The following ANKMY1 variants were observed in gnomAD, a reference collection of about 807,000 sequenced individuals.
The protein encoded by ANKMY1 is ankyrin repeat and MYND domain containing 1.
In ANKMY1, 98 loss-of-function variants were observed where a neutral mutation model predicts 102.0. That is an observed-to-expected ratio of 0.96 (90% CI 0.82 to 1.14). ANKMY1 has a LOEUF of 1.14. Among genes scored for constraint, ANKMY1 ranks in the 50% most tolerant of loss-of-function variants. ANKMY1 has a pLI of 0.00. For synonymous variants in ANKMY1, 582 were observed against 559.9 expected (o/e 1.04, Z -0.56); for missense variants, 1,330 against 1,347.6 (o/e 0.99, Z 0.20).
At chr2:240,560,873 G>A, upstream of ANKMY1, 1 of 1,419,472 alleles carries the variant, frequency 7.0e-7, no homozygotes, top group Non-Finnish European at 9.3e-7. Context: ...CGCCCGGCGT[G>A]GCAGAGCTGC....
intron 4 of ANKMY1, among the ~76,000 whole-genome samples, chr2:240,547,503 A>T (rs1284041378): frequency 2.1e-5 from 3 of 145,692 alleles, no homozygotes; most frequent in Admixed American, 2.1e-4. Context: ...GGCAAGAAAT[A>T]ACTAAAATCA....
chr2:240,514,309 C>G (rs746520289), intron 9 of ANKMY1, among the ~76,000 whole-genome samples: 1 of 152,114 alleles, frequency 6.6e-6, no homozygotes, highest in Non-Finnish European at 1.5e-5. Flanking sequence ...AGGGAGAGCA[C>G]AATAGAGAGA....
At chr2:240,553,187 T>C in intron 3 of ANKMY1, 130 bp from the exon 4 acceptor site, 5 of 1,100,782 alleles carry the variant, frequency 4.5e-6, no homozygotes, top group Non-Finnish European at 6.4e-6. Context: ...AACTCAGGGA[T>C]GCCTGGCATG....
At chr2:240,535,482 C>A (rs1183358259) in intron 4 of ANKMY1, among the ~76,000 whole-genome samples, 19 of 152,102 alleles carry the variant, frequency 1.2e-4, no homozygotes, top group Admixed American at 4.6e-4. Context: ...TTATCTCCTG[C>A]ATCTGGAAAG....
intron 4 of ANKMY1, among the ~76,000 whole-genome samples, chr2:240,547,723 T>C (rs1414949730): frequency 5.4e-4 from 81 of 149,158 alleles, no homozygotes; most frequent in Non-Finnish European, 4.5e-5. Flanking sequence ...CATCAGAGAA[T>C]ACTACAAACA....
At chr2:240,542,502 T>C (rs1405839507) in intron 4 of ANKMY1, among the ~76,000 whole-genome samples, 1 of 145,500 alleles carries the variant, frequency 6.9e-6, no homozygotes, top group Non-Finnish European at 1.5e-5. Flanking sequence ...AGACTCCGTC[T>C]CAAAAAAAAA....
At chr2:240,486,654 A>G (rs2076095545) in intron 15 of ANKMY1, among the ~76,000 whole-genome samples, 1 of 152,148 alleles carries the variant, frequency 6.6e-6, no homozygotes. Flanking sequence ...TCTAACTCTG[A>G]GCACTTTGTT....
chr2:240,560,840 C>T (rs1389040868), upstream of ANKMY1: 2 of 1,397,282 alleles, frequency 1.4e-6, no homozygotes, highest in East Asian at 3.0e-5. Context: ...TCAACGTCTC[C>T]CGCCAGCAGC....
At chr2:240,560,485 G>A, upstream of ANKMY1, 2 of 762,842 alleles carry the variant, frequency 2.6e-6, no homozygotes, top group South Asian at 4.0e-5. Flanking sequence ...GCCATGCCCC[G>A]GCCCCAACGA....
chr2:240,493,514 G>C (rs1306516691), intron 15 of ANKMY1, among the ~76,000 whole-genome samples: 2 of 152,010 alleles, frequency 1.3e-5, no homozygotes, highest in Non-Finnish European at 2.9e-5. Context: ...TGCATTTATG[G>C]TGTTGGTTGG....
intron 15 of ANKMY1, among the ~76,000 whole-genome samples, chr2:240,486,829 T>C (rs1046559764): frequency 3.0e-4 from 46 of 152,210 alleles, no homozygotes; most frequent in Non-Finnish European, 4.7e-4. Flanking sequence ...TTTGAGCACT[T>C]TGAATACGTC....
rs549737985 is a variant in ANKMY1, at chr2:240,533,245, A to G, written c.481-3736T>C. Reference sequence around the variant, plus strand: ...AAAACAAGATTTTTTTTAAAATACCATATCGACCCAAATGAAGATGAGAAA... The same window carrying G: ...AAAACAAGATTTTTTTTAAAATACCGTATCGACCCAAATGAAGATGAGAAA... On this transcript the variant is annotated intron_variant, in intron 4 of 17. Coordinates refer to ENST00000401804, the MANE Select transcript of ANKMY1 (RefSeq NM_001282771.3). Among the ~76,000 whole-genome samples, 14 of 152,326 alleles carry G rather than the reference A, an allele frequency of 9.2e-5. No homozygotes were observed. In the South Asian group the frequency reaches 1.0e-3, roughly 11 times the overall value.
At chr2:240,496,620 G>A (rs1196628037) in intron 15 of ANKMY1, among the ~76,000 whole-genome samples, 1 of 152,166 alleles carries the variant, frequency 6.6e-6, no homozygotes, top group Non-Finnish European at 1.5e-5. Context: ...GCATTATAAA[G>A]CTTCTGAGGT....
At chr2:240,517,458 G>C (rs941065182) in intron 9 of ANKMY1, among the ~76,000 whole-genome samples, 1 of 152,188 alleles carries the variant, frequency 6.6e-6, no homozygotes, top group Admixed American at 6.5e-5. Context: ...CTTTGAGGTA[G>C]AGTCTGAGAT....
intron 13 of ANKMY1, among the ~76,000 whole-genome samples, chr2:240,501,205 C>T (rs543777099): frequency 4.0e-5 from 6 of 151,856 alleles, no homozygotes; most frequent in East Asian, 1.9e-4. Context: ...AGTATGTGTG[C>T]GTGCATGCGT....
chr2:240,558,023 C>G (rs893365562), upstream of ANKMY1: 6 of 967,316 alleles, frequency 6.2e-6, no homozygotes, highest in East Asian at 1.2e-4. Context: ...ACAGCCCCGC[C>G]CCATGCCCGC....
rs2080244177 is a variant in ANKMY1, at chr2:240,511,822, G to C, written c.2286+39C>G. The C allele has an allele frequency of 1.9e-6, 3 of 1,542,608 alleles. No individual in the cohort carries two copies. The East Asian group carries it at 7.4e-5, about 38-fold the overall frequency. ...GCCCTGGAAGGTGGCCCCACCGCTGGGCAGCCCTGTGCCCCCGCCAGGCCC... is the reference window on the plus strand; with the variant it reads ...GCCCTGGAAGGTGGCCCCACCGCTGCGCAGCCCTGTGCCCCCGCCAGGCCC... On this transcript the variant is annotated intron_variant, in intron 11 of 17. Coordinates refer to ENST00000401804, the MANE Select transcript of ANKMY1 (RefSeq NM_001282771.3).
intron 15 of ANKMY1, among the ~76,000 whole-genome samples, chr2:240,494,061 A>T (rs952628802): frequency 6.6e-6 from 1 of 152,134 alleles, no homozygotes; most frequent in Non-Finnish European, 1.5e-5. Context: ...TGGTGGTAGC[A>T]GGGAGGTTAG....
chr2:240,496,426 G>A (rs1317993077), intron 15 of ANKMY1, among the ~76,000 whole-genome samples: 2 of 151,846 alleles, frequency 1.3e-5, no homozygotes, highest in East Asian at 3.9e-4. Flanking sequence ...GCTTGATGGT[G>A]TCCACTTTCC....
Sources: gnomAD v4.1 joint callset for allele counts (sites outside exome capture counted in the v4.1 genomes callset) on GRCh38, gnomAD v4.1.1 for gene constraint, MANE v1.5 for transcripts, NCBI Gene and HGNC (gene_info 2026-07-23, HGNC 2026-07-21) for gene names.